Variants in COL23A1 observed in about 807,000 individuals in gnomAD.
The protein encoded by COL23A1 is collagen alpha-1(XXIII) chain.
A neutral mutation model predicts 99.3 loss-of-function variants in COL23A1; 97 were observed. The observed-to-expected ratio is 0.98, with a 90% CI of 0.83 to 1.16. COL23A1 has a LOEUF of 1.16. Among genes scored for constraint, COL23A1 ranks in the 50% most tolerant of loss-of-function variants. The pLI is 0.00. For synonymous variants in COL23A1, 320 were observed against 308.2 expected, an observed-to-expected ratio of 1.04 and a Z score of -0.40; for missense variants, 762 against 757.4, an observed-to-expected ratio of 1.01 and a Z score of -0.07.
chr5:178,451,933 T>C (rs997574216), intron 2 of COL23A1, among the ~76,000 whole-genome samples: 2 of 152,144 alleles, frequency 1.3e-5, no homozygotes, highest in African/African-American at 4.8e-5. Context: ...ATAGAAATAA[T>C]AATTCTTATG....
intron 2 of COL23A1, among the ~76,000 whole-genome samples, chr5:178,405,692 T>C (rs1383498732): frequency 6.6e-6 from 1 of 152,168 alleles, no homozygotes; most frequent in African/African-American, 2.4e-5. Context: ...AGAAAGAGGA[T>C]GAAAAATACA....
At chr5:178,256,527 G>A in intron 14 of COL23A1, 130 bp from the exon 15 acceptor site, 2 of 783,420 alleles carry the variant, frequency 2.6e-6, no homozygotes, top group South Asian at 4.5e-5. Context: ...ATAGCCAAAT[G>A]TATGAGAACA....
intron 8 of COL23A1, among the ~76,000 whole-genome samples, chr5:178,266,332 C>T (rs750379124): frequency 4.6e-5 from 7 of 152,228 alleles, no homozygotes; most frequent in African/African-American, 1.2e-4. Flanking sequence ...TGAGCCACCT[C>T]GCCCGGCCAT....
At chr5:178,543,877 TA>T (rs1471763262) in intron 2 of COL23A1, among the ~76,000 whole-genome samples, 1 of 152,136 alleles carries the variant, frequency 6.6e-6, no homozygotes, top group Non-Finnish European at 1.5e-5. Flanking sequence ...CTGGAGGCTG[TA>T]AGGCGCCTGC....
chr5:178,426,800 G>A (rs1765962938), intron 2 of COL23A1, among the ~76,000 whole-genome samples: 1 of 152,236 alleles, frequency 6.6e-6, no homozygotes, highest in Non-Finnish European at 1.5e-5. Flanking sequence ...CGTTAAAAAT[G>A]GGCCAAAGGC....
intron 2 of COL23A1, among the ~76,000 whole-genome samples, chr5:178,491,580 G>A (rs1321707991): frequency 6.6e-6 from 1 of 152,080 alleles, no homozygotes; most frequent in Non-Finnish European, 1.5e-5. Flanking sequence ...TGAAATGTGG[G>A]TGGGTCATAA....
At chr5:178,362,206 T>C (rs1762208792) in intron 2 of COL23A1, among the ~76,000 whole-genome samples, 1 of 152,156 alleles carries the variant, frequency 6.6e-6, no homozygotes, top group Non-Finnish European at 1.5e-5. Context: ...TGTGAACTGT[T>C]AGACAGACAC....
intron 1 of COL23A1, among the ~76,000 whole-genome samples, chr5:178,570,098 T>C (rs1190534643): frequency 7.3e-6 from 1 of 136,698 alleles, no homozygotes; most frequent in African/African-American, 3.1e-5. Flanking sequence ...CACAGTTCAT[T>C]TCTTTTTCTT....
Position 178,242,347 on chromosome 5 carries a change from T to C in COL23A1, c.1488A>G (p.Gly496=). The C allele has an allele frequency of 6.2e-7, 1 of 1,613,900 alleles. No homozygotes were observed. Among genetic ancestry groups the C allele is most frequent in the African/African-American group, 1.3e-5 (1 of 74,982 alleles). The change falls in exon 26 of 29, where the codon GGA becomes GGG. Residue 496 remains glycine, a synonymous_variant. Transcript: ENST00000390654. ...CCCGTCCAGCTGCCCTCACCTTCTC[T>C]CCACGCTCGCTCCGATCACCTTTCT... The part of the protein sequence containing the change: ...RGEKGDRSER[G]EKGERGVPGR...
Position 178,249,116 on chromosome 5 carries a change from C to G in COL23A1, c.1149+1G>C, listed in dbSNP as rs1185085974. 1 of 1,614,096 alleles carries G rather than the reference C, an allele frequency of 6.2e-7. No homozygotes were observed. The highest frequency in any genetic ancestry group is 1.7e-5 in the Admixed American group (1 of 60,034). ...ATGTGTGGCCCAACCCAGCCACATA[C>G]CGGGAGGCCGGACAAGCCCATCTCG... On this transcript the variant is annotated splice_donor_variant, in intron 19 of 28. Transcript: ENST00000390654. LOFTEE classifies it high-confidence loss of function.
chr5:178,565,667 C>T (rs548963737), intron 1 of COL23A1, among the ~76,000 whole-genome samples: 16 of 152,094 alleles, frequency 1.1e-4, no homozygotes, highest in African/African-American at 3.1e-4. Flanking sequence ...AACCCCCACG[C>T]GGCTGGGATT....
At chr5:178,319,853 A>G (rs1179714662) in intron 2 of COL23A1, among the ~76,000 whole-genome samples, 4 of 151,856 alleles carry the variant, frequency 2.6e-5, no homozygotes, top group Non-Finnish European at 4.4e-5. Flanking sequence ...ACTGCGGGTC[A>G]CTCCGAGGGC....
chr5:178,476,679 A>C (rs1562005982), intron 2 of COL23A1, among the ~76,000 whole-genome samples: 1 of 152,216 alleles, frequency 6.6e-6, no homozygotes, highest in Non-Finnish European at 1.5e-5. Context: ...TGAACTCCAC[A>C]AGGGCCCTGG....
At chr5:178,568,162 T>A (rs1274672871) in intron 1 of COL23A1, among the ~76,000 whole-genome samples, 1 of 152,240 alleles carries the variant, frequency 6.6e-6, no homozygotes, top group African/African-American at 2.4e-5. Flanking sequence ...AGACATTCTA[T>A]AAAATACCTG....
At chr5:178,262,342 C>T (rs1168090752) in intron 9 of COL23A1, 90 bp from the exon 10 acceptor site, 3 of 1,238,206 alleles carry the variant, frequency 2.4e-6, no homozygotes, top group Non-Finnish European at 3.5e-6. Context: ...GGCTGGGGCT[C>T]TAAGTACATT....
intron 2 of COL23A1, among the ~76,000 whole-genome samples, chr5:178,446,627 C>G (rs1386039927): frequency 2.0e-5 from 3 of 152,124 alleles, no homozygotes; most frequent in Admixed American, 6.5e-5. Context: ...ACTATGAAGT[C>G]TGACATTTTT....
At chr5:178,548,693 T>C (rs779155298) in intron 2 of COL23A1, among the ~76,000 whole-genome samples, 11 of 152,062 alleles carry the variant, frequency 7.2e-5, no homozygotes, top group Non-Finnish European at 1.3e-4. Flanking sequence ...CTTATTCTTG[T>C]ATAAGAGCAC....
intron 2 of COL23A1, chr5:178,345,209 G>C (rs1760892613): frequency 1.2e-6 from 1 of 857,636 alleles, no homozygotes; most frequent in African/African-American, 1.7e-5. Context: ...GATGTGCGGG[G>C]TTAGAGATGT....
chr5:178,390,726 C>T (rs1320561461), intron 2 of COL23A1, among the ~76,000 whole-genome samples: 1 of 152,216 alleles, frequency 6.6e-6, no homozygotes, highest in Non-Finnish European at 1.5e-5. Context: ...AGCTAGATAT[C>T]CACATGCAAA....
Sources: gnomAD v4.1 joint callset for allele counts (sites outside exome capture counted in the v4.1 genomes callset) on GRCh38, gnomAD v4.1.1 for gene constraint, MANE v1.5 for transcripts, NCBI Gene and HGNC (gene_info 2026-07-23, HGNC 2026-07-21) for gene names.